Variants in SOHLH2 observed in about 807,000 individuals in gnomAD.
SOHLH2 encodes spermatogenesis- and oogenesis-specific basic helix-loop-helix-containing protein 2.
Under a neutral mutation model 50.4 loss-of-function variants are expected in SOHLH2, and 22 were observed. The ratio of observed to expected loss-of-function variants is 0.44; its 90% CI spans 0.31 to 0.62. The LOEUF (loss-of-function observed/expected upper bound fraction) is 0.62, where lower values mean the gene tolerates loss of function less well. Ranked by LOEUF, SOHLH2 falls within the 20% of genes least tolerant of loss-of-function variation. The pLI is 0.08. For synonymous variants in SOHLH2, 185 were observed against 187.3 expected (o/e 0.99, Z 0.10); for missense variants, 412 against 504.4 (o/e 0.82, Z 1.76).
At chr13:36,193,005 C>T (rs188074672) in intron 4 of SOHLH2, among the ~76,000 whole-genome samples, 291 of 152,236 alleles carry the variant, frequency 1.9e-3, no homozygotes, top group Middle Eastern at 3.4e-3. Flanking sequence ...TAGTCACTGA[C>T]CAATAATGAT....
intron 2 of SOHLH2, among the ~76,000 whole-genome samples, chr13:36,195,961 G>GT (rs1206209966): frequency 3.3e-5 from 5 of 152,014 alleles, no homozygotes; most frequent in Admixed American, 6.5e-5. Flanking sequence ...AAATGTGGAG[G>GT]TAAGAAAGGC....
In SOHLH2 at chr13:36,187,625, A is replaced by G. The variant is rs192196673; in HGVS notation, c.641+2321T>C. Among the ~76,000 whole-genome samples, 809 of 152,264 alleles carry G rather than the reference A, an allele frequency of 5.3e-3. 5 individuals are homozygous for G. The highest frequency in any genetic ancestry group is 0.02 in the South Asian group (95 of 4,824). ...CCCCATCATCTTCCCACTAATCTTC[A>G]GCAGATGGAGGGGGACCATTCAGCA... On this transcript the variant is annotated intron_variant, in intron 6 of 10. Transcript: ENST00000379881.
intron 6 of SOHLH2, chr13:36,181,867 T>G (rs1265481636): frequency 3.3e-6 from 1 of 300,454 alleles, no homozygotes; most frequent in African/African-American, 2.3e-5. Flanking sequence ...GGTCCACTGG[T>G]GTCAAAATAT....
chr13:36,203,207 C>A (rs1028662034), intron 1 of SOHLH2, among the ~76,000 whole-genome samples: 2 of 152,112 alleles, frequency 1.3e-5, no homozygotes, highest in Non-Finnish European at 1.5e-5. Context: ...CATATAAGTA[C>A]GATACACACA....
rs556115755 is a variant in SOHLH2 at position 36,181,088 on chromosome 13, A to G, written c.642-6219T>C. On this transcript the variant is annotated intron_variant, in intron 6 of 10. Coordinates refer to ENST00000379881, the MANE Select transcript of SOHLH2 (RefSeq NM_017826.3). ...TTTGTGATTTTAATATCATTCTGAA[A>G]AGTTGACGCTTGTATCATTATAAAT... Among the ~76,000 whole-genome samples the G allele has an allele frequency of 3.0e-4, 46 of 152,324 alleles. 1 individual carries two copies. The South Asian group carries it at 7.5e-3, about 25-fold the overall frequency.
intron 2 of SOHLH2, among the ~76,000 whole-genome samples, chr13:36,200,778 T>C (rs1163029795): frequency 2.0e-5 from 3 of 151,966 alleles, no homozygotes; most frequent in African/African-American, 7.2e-5. Flanking sequence ...TGGCTAGGCA[T>C]GGTGGCTCAC....
chr13:36,175,964 G>T (rs1887087394), intron 6 of SOHLH2, among the ~76,000 whole-genome samples: 1 of 152,018 alleles, frequency 6.6e-6, no homozygotes, highest in African/African-American at 2.4e-5. Context: ...AAAACACAGA[G>T]CACAGTATGT....
intron 8 of SOHLH2, among the ~76,000 whole-genome samples, chr13:36,174,128 A>G (rs1887036777): frequency 6.6e-6 from 1 of 152,210 alleles, no homozygotes; most frequent in African/African-American, 2.4e-5. Context: ...GGACAGCTCC[A>G]GGGCCCGAGA....
Position 36,208,090 on chromosome 13 carries a change from T to A in SOHLH2, c.49-5997A>T, listed in dbSNP as rs960141618. Among the ~76,000 whole-genome samples the A allele has an allele frequency of 7.2e-4, 110 of 152,338 alleles. 1 individual carries two copies. Among genetic ancestry groups the A allele is most frequent in the African/African-American group, 2.5e-3 (103 of 41,582 alleles). On this transcript the variant is annotated intron_variant, in intron 1 of 10. Coordinates refer to ENST00000379881, the MANE Select transcript of SOHLH2 (RefSeq NM_017826.3). ...TGGAGGGAGGAATATCAAACAATTGTGGATGTACGTTAAAACCATCACAGT... is the reference window on the plus strand; with the variant it reads ...TGGAGGGAGGAATATCAAACAATTGAGGATGTACGTTAAAACCATCACAGT...
Position 36,189,973 on chromosome 13 carries a change from A to T in SOHLH2, c.614T>A (p.Leu205His), listed in dbSNP as rs762860698. The change falls in exon 6 of 11, where the codon CTT becomes CAT. Residue 205 changes from leucine to histidine, a missense_variant. Physicochemically the swap from Leu to His is moderately conservative, Grantham distance 99. Transcript: ENST00000379881. ...TCTTAGTTTTTCCTTGCTTGAATGA[A>T]GAAGAGAGATCTTTTTGTTTTTCTC... is the stretch of plus-strand genomic sequence containing the variant. ...EFEKNKKISL[L>H]HSSKEKLRRE... 2 of 1,600,066 alleles carry T rather than the reference A, an allele frequency of 1.2e-6. No homozygotes were observed. Among genetic ancestry groups the T allele is most frequent in the Non-Finnish European group, 1.7e-6 (2 of 1,171,526 alleles).
Position 36,193,885 on chromosome 13 carries a change from A to G in SOHLH2, c.264-18T>C. ...TGCCAAATCTGAGAGAGGAAAGAAAATGTTAAAATGAAGCAAAATCATTAT... is the reference window on the plus strand; with the variant it reads ...TGCCAAATCTGAGAGAGGAAAGAAAGTGTTAAAATGAAGCAAAATCATTAT... On this transcript the variant is annotated intron_variant, in intron 2 of 10. Transcript: ENST00000379881. 6.3e-7 allele frequency: 1 copy of G among 1,589,306 alleles called. No homozygotes were observed. Among genetic ancestry groups the G allele is most frequent in the Non-Finnish European group, 8.5e-7 (1 of 1,173,642 alleles).
intron 1 of SOHLH2, 122 bp downstream of exon 1, chr13:36,214,357 C>T (rs1421746196): frequency 1.5e-5 from 18 of 1,222,058 alleles, no homozygotes; most frequent in Non-Finnish European, 2.1e-5. Context: ...GCTATTCGCT[C>T]CCCACAGTTC....
At chr13:36,174,455 T>A (rs1887047589) in intron 8 of SOHLH2, 21 bp downstream of exon 8, 2 of 1,608,830 alleles carry the variant, frequency 1.2e-6, no homozygotes, top group African/African-American at 2.7e-5. Context: ...GACTTCAGAT[T>A]CGCAAAAGCC....
Position 36,199,329 on chromosome 13 carries a change from AC to A in SOHLH2, c.263+2549del, listed in dbSNP as rs1566044080. On this transcript the variant is annotated intron_variant, in intron 2 of 10. Transcript: ENST00000379881. ...CACACCCTCACACACACACACACACACATAACCAAACGACTCTGTCCCCTTG... is the reference window on the plus strand; with the variant it reads ...CACACCCTCACACACACACACACACAATAACCAAACGACTCTGTCCCCTTG... 3.6e-4 allele frequency among the ~76,000 whole-genome samples: 54 copies of A among 151,832 alleles called. 1 individual carries two copies. In the East Asian group the frequency reaches 7.9e-3, roughly 22 times the overall value.
rs985979196 is a variant in SOHLH2, at chr13:36,175,211, C to T, written c.642-342G>A. Among the ~76,000 whole-genome samples the T allele has an allele frequency of 2.6e-5, 4 of 152,246 alleles. No individual in the cohort carries two copies. The South Asian group carries it at 6.2e-4, about 24-fold the overall frequency. ...CACCCTTCCCACCCCCTGCTGCCTA[C>T]GGAAATGTGCAGACCACTCTGCCCT... is the stretch of plus-strand genomic sequence containing the variant. On this transcript the variant is annotated intron_variant, in intron 6 of 10. Transcript: ENST00000379881.
At chr13:36,182,031 T>A in intron 6 of SOHLH2, 4 of 978,858 alleles carry the variant, frequency 4.1e-6, no homozygotes, top group Non-Finnish European at 4.9e-6. Flanking sequence ...AATTTATTAA[T>A]GTTTTAAAAA....
chr13:36,196,880 C>T (rs7327064), intron 2 of SOHLH2, among the ~76,000 whole-genome samples: 29,100 of 152,104 alleles, frequency 0.19, 3,057 homozygotes, highest in Non-Finnish European at 0.23. Context: ...ATAGGGAACT[C>T]CTGCAATCGA....
intron 1 of SOHLH2, among the ~76,000 whole-genome samples, chr13:36,211,079 G>A (rs557539734): frequency 3.4e-4 from 52 of 152,224 alleles, no homozygotes; most frequent in African/African-American, 1.2e-3. Context: ...ATCACAACAG[G>A]AGCAATTATA....
chr13:36,181,422 T>C (rs1028530069), intron 6 of SOHLH2, among the ~76,000 whole-genome samples: 2 of 152,140 alleles, frequency 1.3e-5, no homozygotes, highest in African/African-American at 4.8e-5. Flanking sequence ...TTTCCTTCCT[T>C]CATTTTAAAA....
Sources: allele counts gnomAD v4.1 joint callset (sites outside exome capture counted in the v4.1 genomes callset), GRCh38; gene constraint gnomAD v4.1.1; transcripts MANE v1.5; gene names NCBI Gene and HGNC (gene_info 2026-07-23, HGNC 2026-07-21).